ZMYND19: variants seen among roughly 807,000 people sequenced by gnomAD.
ZMYND19 encodes the protein zinc finger MYND-type containing 19.
Under a neutral mutation model 32.0 loss-of-function variants are expected in ZMYND19, and 17 were observed. The ratio of observed to expected loss-of-function variants is 0.53; its 90% CI spans 0.36 to 0.80. ZMYND19 has a LOEUF of 0.80. Ranked by LOEUF, ZMYND19 falls within the 30% of genes least tolerant of loss-of-function variation. The pLI is 0.00. For missense variants in ZMYND19, 250 were observed against 293.6 expected, an observed-to-expected ratio of 0.85 and a Z score of 1.09; for synonymous variants, 124 against 113.6, an observed-to-expected ratio of 1.09 and a Z score of -0.58.
intron 4 of ZMYND19, among the ~76,000 whole-genome samples, chr9:137,583,553 C>T (rs1474357987): frequency 1.3e-5 from 2 of 152,086 alleles, no homozygotes; most frequent in African/African-American, 2.4e-5. Flanking sequence ...GCCCTACGTC[C>T]GTCTAAAAAC....
chr9:137,588,307 C>G (rs1456393704), intron 2 of ZMYND19, among the ~76,000 whole-genome samples: 2 of 152,250 alleles, frequency 1.3e-5, no homozygotes, highest in Non-Finnish European at 1.5e-5. Context: ...GCAGAGGTGG[C>G]TAGCTCTAAA....
intron 3 of ZMYND19, 147 bp from the exon 4 acceptor site, chr9:137,587,254 C>A (rs1459837425): frequency 2.2e-6 from 3 of 1,340,382 alleles, no homozygotes; most frequent in Non-Finnish European, 3.0e-6. Context: ...GATGAGGGTA[C>A]CTCAGGCGGA....
intron 1 of ZMYND19, 70 bp from the exon 2 acceptor site, chr9:137,588,788 A>T: frequency 1.9e-6 from 3 of 1,572,302 alleles, no homozygotes; most frequent in South Asian, 2.2e-5. Context: ...CCTTATAACC[A>T]GAACAGGCAG....
At position 137,588,708 on chromosome 9, in the gene ZMYND19, G is replaced by A. The variant is rs369093998; in HGVS notation, c.62C>T (p.Thr21Met). 1.2e-5 allele frequency: 20 copies of A among 1,614,078 alleles called. No individual in the cohort carries two copies. Among genetic ancestry groups the A allele is most frequent in the Admixed American group, 1.7e-5 (1 of 60,004 alleles). ...LGRVAGKTKYTLIDEQDIPLV... is the reference protein window; with the variant it reads ...LGRVAGKTKYMLIDEQDIPLV... ...CGGGATGTCCTGCTCATCGATCAGCGTGTATTTGGTCTGGAAGTTAACCAC... is the reference window on the plus strand; with the variant it reads ...CGGGATGTCCTGCTCATCGATCAGCATGTATTTGGTCTGGAAGTTAACCAC... Residue 21 changes from threonine to methionine, a missense_variant, in exon 2 of 6, where the codon ACG (threonine) becomes ATG (methionine). Thr to Met is a moderately conservative substitution (Grantham distance 81, BLOSUM62 -1). Transcript: ENST00000298585.
In ZMYND19 at chr9:137,587,818, T is replaced by G. The variant is rs757833359; in HGVS notation, c.117A>C (p.Arg39=). The change falls in exon 3 of 6, where the codon CGA becomes CGC. Residue 39 remains arginine, a synonymous_variant. Transcript: ENST00000298585. ...PLVESYSFEA[R]MEVDADGNGA... Reference sequence around the variant, plus strand: ...CATTTCCATCTGCATCCACTTCCATTCGGGCCTGAGAAGGAACAAGGGAAA... The same window carrying G: ...CATTTCCATCTGCATCCACTTCCATGCGGGCCTGAGAAGGAACAAGGGAAA... The G allele has an allele frequency of 6.2e-7, 1 of 1,614,038 alleles. No homozygotes were observed. The highest frequency in any genetic ancestry group is 1.7e-5 in the Admixed American group (1 of 60,026).
intron 4 of ZMYND19, among the ~76,000 whole-genome samples, chr9:137,584,269 C>T (rs1453545787): frequency 6.6e-6 from 1 of 152,248 alleles, no homozygotes; most frequent in African/African-American, 2.4e-5. Flanking sequence ...CCCAGGCCCA[C>T]CTCCTGTAGC....
At position 137,587,952 on chromosome 9, in the gene ZMYND19, C is replaced by A. The variant is rs935662067; in HGVS notation, c.112-129G>T. 14 of 911,116 alleles carry A rather than the reference C, an allele frequency of 1.5e-5. No homozygotes were observed. In the East Asian group the frequency reaches 3.4e-4, roughly 22 times the overall value. The allele number at this position is 911,116 out of a possible 1,614,324, so 56.4% of individuals were successfully genotyped here. A position where few individuals can be genotyped will look rare whatever the true frequency, so the allele number is the denominator to read the frequency against. On this transcript the variant is annotated intron_variant, in intron 2 of 5. Coordinates refer to ENST00000298585, the MANE Select transcript of ZMYND19 (RefSeq NM_138462.3). ...AAATGCCAGCCCTGTCCCTGAGACC[C>A]TGGGGAGTGCAGAGCTTCCCACAGG...
chr9:137,584,323 TGTGCCCTCAGAGAATGGGCATCCTGCC>T (rs1842180193), intron 4 of ZMYND19, among the ~76,000 whole-genome samples: 1 of 152,260 alleles, frequency 6.6e-6, no homozygotes, highest in Non-Finnish European at 1.5e-5. Context: ...CTCGTCCTGC[TGTGCCCTCAGAGAATGGGCATCCTGCC>T]GTGCCCACAG....
intron 4 of ZMYND19, among the ~76,000 whole-genome samples, chr9:137,584,189 A>G (rs984159527): frequency 6.6e-6 from 1 of 152,286 alleles, no homozygotes; most frequent in African/African-American, 2.4e-5. Flanking sequence ...AAGAGGCCCA[A>G]CACCTGCTGG....
intron 5 of ZMYND19, 107 bp from the exon 6 acceptor site, chr9:137,582,793 C>G: frequency 3.3e-6 from 5 of 1,532,440 alleles, no homozygotes; most frequent in Non-Finnish European, 4.4e-6. Flanking sequence ...CACCACGTAC[C>G]AAGGCTGGAG....
intron 4 of ZMYND19, among the ~76,000 whole-genome samples, chr9:137,583,629 G>A (rs1327894074): frequency 6.6e-6 from 1 of 150,854 alleles, no homozygotes; most frequent in Non-Finnish European, 1.5e-5. Context: ...AGCCTCAAAG[G>A]CATGTGCACT....
At chr9:137,583,318 C>T (rs567830656) in intron 4 of ZMYND19, among the ~76,000 whole-genome samples, 155 bp from the exon 5 acceptor site, 1 of 152,294 alleles carries the variant, frequency 6.6e-6, no homozygotes, top group Non-Finnish European at 1.5e-5. Flanking sequence ...GTGCTTTTCA[C>T]CACCTGACAG....
At chr9:137,588,351 C>A (rs918748802) in intron 2 of ZMYND19, among the ~76,000 whole-genome samples, 39 of 152,348 alleles carry the variant, frequency 2.6e-4, no homozygotes, top group African/African-American at 9.1e-4. Flanking sequence ...ACATGGTCCA[C>A]GTGACACAAT....
chr9:137,590,198 C>A lies in ZMYND19; in HGVS notation c.51+15G>T, dbSNP rs1319420572. The A allele has an allele frequency of 2.7e-6, 3 of 1,095,794 alleles. No homozygotes were observed. The highest frequency in any genetic ancestry group is 3.4e-6 in the Non-Finnish European group (3 of 892,828). The allele number at this position is 1,095,794 out of a possible 1,614,324, so 67.9% of individuals were successfully genotyped here. Reference sequence around the variant, plus strand: ...CGGGCGAGACGGGCCGGGTCGCGGGCTCCGCGCCGCTCACCTTCCCGGCCA... The same window carrying A: ...CGGGCGAGACGGGCCGGGTCGCGGGATCCGCGCCGCTCACCTTCCCGGCCA... On this transcript the variant is annotated intron_variant, in intron 1 of 5. Coordinates refer to ENST00000298585, the MANE Select transcript of ZMYND19 (RefSeq NM_138462.3). This position sits in a 1 kb window ranked among gnomAD's most constrained non-coding sequence, Gnocchi z 4.2.
chr9:137,589,769 G>A (rs1564492428), intron 1 of ZMYND19: 1 of 985,484 alleles, frequency 1.0e-6, no homozygotes, highest in Non-Finnish European at 1.2e-6. Flanking sequence ...CACCAGACCC[G>A]CCTCGGCGAG....
chr9:137,587,957 G>C, intron 2 of ZMYND19, 134 bp from the exon 3 acceptor site: 2 of 872,160 alleles, frequency 2.3e-6, no homozygotes, highest in Non-Finnish European at 3.7e-6. Flanking sequence ...AGACCCTGGG[G>C]AGTGCAGAGC....
chr9:137,588,807 TGCATTTTC>T, intron 1 of ZMYND19, 89 bp from the exon 2 acceptor site: 1 of 1,486,698 alleles, frequency 6.7e-7, no homozygotes, highest in Non-Finnish European at 9.4e-7. Context: ...AGGAGCCTGT[TGCATTTTC>T]CTGTGAAGTG....
At chr9:137,587,664 A>C (rs1364083659) in intron 3 of ZMYND19, 53 bp downstream of exon 3, 1 of 1,539,748 alleles carries the variant, frequency 6.5e-7, no homozygotes, top group African/African-American at 1.4e-5. Flanking sequence ...GTGCCATCGG[A>C]GCTCACCCAG....
chr9:137,586,267 G>C (rs1249318396), intron 4 of ZMYND19, among the ~76,000 whole-genome samples: 1 of 151,544 alleles, frequency 6.6e-6, no homozygotes, highest in African/African-American at 2.4e-5. Context: ...CCTGAGGTGA[G>C]GAGAGAAGGA....
Sources: gnomAD v4.1 joint callset for allele counts (sites outside exome capture counted in the v4.1 genomes callset) on GRCh38, gnomAD v4.1.1 for gene constraint, Gnocchi (gnomAD v3.1) non-coding constraint, MANE v1.5 for transcripts, NCBI Gene and HGNC (gene_info 2026-07-23, HGNC 2026-07-21) for gene names.